The following ENTREP2 variants were observed in gnomAD, a reference collection of about 807,000 sequenced individuals.
The protein encoded by ENTREP2 is endosomal transmembrane epsin interactor 2, also known as protein ENTREP2.
chr15:29,318,314 C>CT, the ENTREP2 span, among the ~76,000 whole-genome samples: 190 of 150,476 alleles, frequency 1.3e-3, 4 homozygotes, highest in South Asian at 0.037. Flanking sequence ...GGTATGTACA[C>CT]TTTTTTTTTT....
At chr15:29,355,410 T>C in the ENTREP2 span, among the ~76,000 whole-genome samples, 3 of 151,774 alleles carry the variant, frequency 2.0e-5, no homozygotes, top group African/African-American at 7.3e-5. Context: ...AAAGGTCCCA[T>C]TGGCTTTTTT....
chr15:29,390,079 C>T, the ENTREP2 span, among the ~76,000 whole-genome samples: 31 of 152,124 alleles, frequency 2.0e-4, no homozygotes, highest in Non-Finnish European at 4.1e-4. Flanking sequence ...TGCCTCCTCC[C>T]TGGAGAGGCC....
At chr15:29,192,008 A>C in the ENTREP2 span, among the ~76,000 whole-genome samples, 1 of 152,198 alleles carries the variant, frequency 6.6e-6, no homozygotes, top group Non-Finnish European at 1.5e-5. Context: ...TGGCACTGCC[A>C]TCACCTCTAC....
the ENTREP2 span, among the ~76,000 whole-genome samples, chr15:29,593,725 C>T: frequency 1.7e-3 from 258 of 152,302 alleles, 1 homozygote; most frequent in African/African-American, 6.1e-3. Context: ...TCACTCTGTG[C>T]ATGTCAATTA....
the ENTREP2 span, chr15:29,269,977 T>G: frequency 4.8e-6 from 2 of 414,822 alleles, no homozygotes; most frequent in South Asian, 1.5e-4. Context: ...TACCAAACCA[T>G]GCAAACAGAG....
the ENTREP2 span, chr15:29,267,489 C>G: frequency 6.6e-6 from 1 of 152,172 alleles, no homozygotes; most frequent in African/African-American, 2.4e-5. Context: ...AACCACCATG[C>G]TGACAAGTTA....
the ENTREP2 span, among the ~76,000 whole-genome samples, chr15:29,395,566 C>CA: frequency 6.7e-6 from 1 of 149,652 alleles, no homozygotes; most frequent in African/African-American, 2.5e-5. Context: ...GTCTCACTCT[C>CA]ACCTAGGCTG....
the ENTREP2 span, among the ~76,000 whole-genome samples, chr15:29,551,705 AAAGATC>A: frequency 6.6e-6 from 1 of 152,132 alleles, no homozygotes; most frequent in Admixed American, 6.5e-5. Context: ...AAAAAAAAAA[AAAGATC>A]AAGAAGGTGG....
chr15:29,406,840 CT>C, the ENTREP2 span, among the ~76,000 whole-genome samples: 2 of 152,202 alleles, frequency 1.3e-5, no homozygotes, highest in Non-Finnish European at 2.9e-5. Context: ...CTCCTCCTCA[CT>C]TTCCCAATCC....
the ENTREP2 span, among the ~76,000 whole-genome samples, chr15:29,502,500 T>C: frequency 6.6e-5 from 10 of 151,978 alleles, no homozygotes; most frequent in Non-Finnish European, 1.2e-4. Context: ...AAAAAAAGCA[T>C]AGATATAAAT....
chr15:29,495,683 T>TATTCATGG, the ENTREP2 span, among the ~76,000 whole-genome samples: 1 of 152,196 alleles, frequency 6.6e-6, no homozygotes, highest in Non-Finnish European at 1.5e-5. Context: ...TCCCATTGTG[T>TATTCATGG]ATTCATGGCA....
chr15:29,395,840 T>C, the ENTREP2 span, among the ~76,000 whole-genome samples: 1 of 152,104 alleles, frequency 6.6e-6, no homozygotes, highest in South Asian at 2.1e-4. Context: ...GCCATTGTTG[T>C]GATTTTGATT....
the ENTREP2 span, among the ~76,000 whole-genome samples, chr15:29,141,971 A>C: frequency 6.6e-6 from 1 of 152,178 alleles, no homozygotes; most frequent in Admixed American, 6.5e-5. Context: ...TGCATAAGGA[A>C]ATAGGGATGC....
chr15:29,268,132 T>TA, the ENTREP2 span: 1 of 152,138 alleles, frequency 6.6e-6, no homozygotes. Flanking sequence ...ACCCACGATT[T>TA]AAAAAACACA....
the ENTREP2 span, among the ~76,000 whole-genome samples, chr15:29,224,755 G>T: frequency 1.8e-4 from 27 of 152,234 alleles, no homozygotes; most frequent in African/African-American, 4.8e-5. Context: ...GCACCGGGCC[G>T]CAGGTGGAGC....
the ENTREP2 span, among the ~76,000 whole-genome samples, chr15:29,170,180 T>C: frequency 2.0e-5 from 3 of 151,376 alleles, no homozygotes; most frequent in Non-Finnish European, 1.5e-5. Context: ...TGGTGGCGGG[T>C]GCTTGTAGTC....
At chr15:29,602,844 C>G in the ENTREP2 span, among the ~76,000 whole-genome samples, 1 of 152,332 alleles carries the variant, frequency 6.6e-6, no homozygotes, top group Non-Finnish European at 1.5e-5. Context: ...CTGATCCACA[C>G]ACCAGCCTAA....
the ENTREP2 span, among the ~76,000 whole-genome samples, chr15:29,340,664 G>A: frequency 5.9e-3 from 899 of 152,204 alleles, 10 homozygotes; most frequent in African/African-American, 0.021. Context: ...ACCAATTATC[G>A]TAGGAAGCTT....
the ENTREP2 span, among the ~76,000 whole-genome samples, chr15:29,138,433 C>T: frequency 7.2e-5 from 11 of 152,212 alleles, no homozygotes; most frequent in Non-Finnish European, 1.2e-4. Flanking sequence ...AGTGTCTACA[C>T]GGCAAGAAGA....
Sources: allele counts gnomAD v4.1 joint callset (sites outside exome capture counted in the v4.1 genomes callset), GRCh38; gene constraint gnomAD v4.1.1; transcripts MANE v1.5; gene names NCBI Gene and HGNC (gene_info 2026-07-23, HGNC 2026-07-21).